CLMP: variants seen among roughly 807,000 people sequenced by gnomAD.
The protein encoded by CLMP is CXADR like cell adhesion molecule.
A neutral mutation model predicts 45.2 loss-of-function variants in CLMP; 27 were observed. The ratio of observed to expected loss-of-function variants is 0.60; its 90% CI spans 0.44 to 0.82. The LOEUF (loss-of-function observed/expected upper bound fraction) is 0.82. CLMP is among the 40% of genes least tolerant of loss of function. The pLI is 0.00. For synonymous variants in CLMP, 167 were observed against 171.4 expected, an observed-to-expected ratio of 0.97 and a Z score of 0.20; for missense variants, 403 against 448.4, an observed-to-expected ratio of 0.90 and a Z score of 0.91.
intron 6 of CLMP, among the ~76,000 whole-genome samples, chr11:123,074,314 A>G (rs1205814405): frequency 6.6e-6 from 1 of 151,562 alleles, no homozygotes; most frequent in Non-Finnish European, 1.5e-5. Flanking sequence ...AGCTGGGACT[A>G]CAGGCATGGG....
At chr11:123,089,399 C>T (rs1319073317) in intron 2 of CLMP, among the ~76,000 whole-genome samples, 1 of 151,748 alleles carries the variant, frequency 6.6e-6, no homozygotes, top group Non-Finnish European at 1.5e-5. Context: ...ACACAGCATA[C>T]ACATATATAC....
intron 1 of CLMP, among the ~76,000 whole-genome samples, chr11:123,169,009 A>G (rs1007929183): frequency 6.6e-6 from 1 of 152,168 alleles, no homozygotes; most frequent in African/African-American, 2.4e-5. Context: ...AAAGACCACC[A>G]TAAGAGAGGG....
chr11:123,081,932 G>C (rs1865809036), intron 5 of CLMP, among the ~76,000 whole-genome samples: 1 of 152,078 alleles, frequency 6.6e-6, no homozygotes, highest in African/African-American at 2.4e-5. Context: ...TTTATAGATT[G>C]GGAAATATGC....
intron 1 of CLMP, among the ~76,000 whole-genome samples, chr11:123,118,939 TTCTTTCTTTCTTTC>T (rs1173463733): frequency 7.6e-4 from 11 of 14,416 alleles, no homozygotes; most frequent in Non-Finnish European, 1.5e-3. Flanking sequence ...TTTTCTTTCT[TTCTTTCTTTCTTTC>T]TTTCTTTCTT....
At chr11:123,115,923 C>G (rs1443524323) in intron 1 of CLMP, among the ~76,000 whole-genome samples, 1 of 152,118 alleles carries the variant, frequency 6.6e-6, no homozygotes, top group African/African-American at 2.4e-5. Flanking sequence ...CAGGGTCTCT[C>G]ATGAAATACA....
At chr11:123,177,323 G>A (rs923336023) in intron 1 of CLMP, among the ~76,000 whole-genome samples, 1 of 152,174 alleles carries the variant, frequency 6.6e-6, no homozygotes, top group Non-Finnish European at 1.5e-5. Context: ...CAGATGGGAG[G>A]GTGGGGAGTG....
At chr11:123,088,869 C>A (rs915324712) in intron 2 of CLMP, among the ~76,000 whole-genome samples, 2 of 152,178 alleles carry the variant, frequency 1.3e-5, no homozygotes, top group Non-Finnish European at 2.9e-5. Context: ...GGTGATCCAC[C>A]CGCCTTAGCT....
intron 1 of CLMP, among the ~76,000 whole-genome samples, chr11:123,119,464 C>A (rs747991714): frequency 6.6e-6 from 1 of 152,082 alleles, no homozygotes; most frequent in Admixed American, 6.6e-5. Context: ...ACAGGGGTAA[C>A]GAAGAACAAG....
intron 1 of CLMP, among the ~76,000 whole-genome samples, chr11:123,156,947 T>C (rs1370532306): frequency 6.6e-6 from 1 of 152,210 alleles, no homozygotes; most frequent in African/African-American, 2.4e-5. Flanking sequence ...TGGCTGAGGC[T>C]TGTGACCAAA....
chr11:123,122,793 T>C (rs1163347481), intron 1 of CLMP, among the ~76,000 whole-genome samples: 1 of 152,124 alleles, frequency 6.6e-6, no homozygotes, highest in African/African-American at 2.4e-5. Flanking sequence ...TTTCTTACTT[T>C]CCCCCTCTCT....
At chr11:123,088,696 A>G (rs1865892854) in intron 2 of CLMP, among the ~76,000 whole-genome samples, 1 of 151,832 alleles carries the variant, frequency 6.6e-6, no homozygotes, top group African/African-American at 2.4e-5. Flanking sequence ...CGTAATCTCC[A>G]CTCATTGCAA....
intron 1 of CLMP, among the ~76,000 whole-genome samples, chr11:123,142,119 G>C (rs571415760): frequency 2.6e-5 from 4 of 151,894 alleles, no homozygotes; most frequent in African/African-American, 9.7e-5. Context: ...TGAGTAGCTG[G>C]GAATACAGGT....
At chr11:123,079,995 C>T (rs1382064607) in intron 5 of CLMP, among the ~76,000 whole-genome samples, 1 of 152,218 alleles carries the variant, frequency 6.6e-6, no homozygotes, top group Admixed American at 6.5e-5. Flanking sequence ...GTGTGAAGCC[C>T]TGTTCCTAGG....
At chr11:123,081,215 G>A (rs1865800699) in intron 5 of CLMP, among the ~76,000 whole-genome samples, 1 of 151,992 alleles carries the variant, frequency 6.6e-6, no homozygotes, top group Non-Finnish European at 1.5e-5. Flanking sequence ...TTAGGAAAAT[G>A]TTAAAAGTGG....
At chr11:123,167,548 G>C (rs961513075) in intron 1 of CLMP, among the ~76,000 whole-genome samples, 29 of 151,924 alleles carry the variant, frequency 1.9e-4, no homozygotes, top group African/African-American at 6.8e-4. Flanking sequence ...GCCTCCCAAA[G>C]TGCTGGGATT....
intron 1 of CLMP, among the ~76,000 whole-genome samples, chr11:123,193,640 G>A (rs1019935039): frequency 6.6e-6 from 1 of 152,172 alleles, no homozygotes; most frequent in African/African-American, 2.4e-5. Flanking sequence ...GCCAAGATGG[G>A]TATGCATACA....
chr11:123,160,279 C>CAAAAA lies in CLMP; in HGVS notation c.28+34629_28+34633dup, dbSNP rs67087501. Among the ~76,000 whole-genome samples the CAAAAA allele has an allele frequency of 2.6e-3, 123 of 46,642 alleles. 3 individuals carry two copies. Among genetic ancestry groups the CAAAAA allele is most frequent in the African/African-American group, 4.5e-3 (46 of 10,132 alleles). 30.6% of individuals were successfully genotyped at this position (46,642 alleles called of 152,430 possible). On this transcript the variant is annotated intron_variant, in intron 1 of 6. Coordinates refer to ENST00000448775, the MANE Select transcript of CLMP (RefSeq NM_024769.5). Reference sequence around the variant, plus strand: ...TGGGCAACAGAGCGAGACTCTGTCTCAAAAAAAAAAAAAAAAAAAAAAAAA... The same window carrying CAAAAA: ...TGGGCAACAGAGCGAGACTCTGTCTCAAAAAAAAAAAAAAAAAAAAAAAAAAAAAA...
intron 5 of CLMP, 51 bp from the exon 6 acceptor site, chr11:123,074,894 A>G (rs753522619): frequency 6.3e-7 from 1 of 1,583,768 alleles, no homozygotes. Flanking sequence ...AAGCTAGGAA[A>G]TATGTTATTA....
chr11:123,141,971 A>C (rs1238495340), intron 1 of CLMP, among the ~76,000 whole-genome samples: 2 of 146,358 alleles, frequency 1.4e-5, no homozygotes, highest in Middle Eastern at 3.6e-3. Context: ...TGAGCTAACC[A>C]AAATCCCCCC....
Sources: allele counts gnomAD v4.1 joint callset (sites outside exome capture counted in the v4.1 genomes callset), GRCh38; gene constraint gnomAD v4.1.1; transcripts MANE v1.5; gene names NCBI Gene and HGNC (gene_info 2026-07-23, HGNC 2026-07-21).